The following YPEL5 variants were observed in gnomAD, a reference collection of about 807,000 sequenced individuals.
YPEL5 encodes yippee like 5, also known as protein yippee-like 5.
A neutral mutation model predicts 10.5 loss-of-function variants in YPEL5; 1 was observed. The ratio of observed to expected loss-of-function variants is 0.10; its 90% confidence interval spans 0.03 to 0.45. The LOEUF is 0.45. Among genes scored for constraint, YPEL5 ranks in the 20% least tolerant of loss-of-function variants. The probability of loss-of-function intolerance (pLI) is 0.97; values close to 1 mark genes in which losing one functional copy is unlikely to be tolerated. For missense variants in YPEL5, 68 were observed against 159.3 expected, an observed-to-expected ratio of 0.43 and a Z score of 3.09; for synonymous variants, 61 against 56.6, an observed-to-expected ratio of 1.08 and a Z score of -0.35.
At chr2:30,147,090 G>C (rs1463771648) in intron 1 of YPEL5, 28 bp downstream of exon 1, 1 of 152,384 alleles carries the variant, frequency 6.6e-6, no homozygotes, top group Non-Finnish European at 1.5e-5. Context: ...GGCTGGACTC[G>C]GGGCCGGTGG....
At chr2:30,147,866 G>C (rs1423072291) in intron 1 of YPEL5, 2 of 154,248 alleles carry the variant, frequency 1.3e-5, no homozygotes, top group East Asian at 3.8e-4. Flanking sequence ...CCGCCGCCGC[G>C]CTCTGCCGCC....
intron 1 of YPEL5, among the ~76,000 whole-genome samples, chr2:30,150,883 A>C (rs1675753498): frequency 6.6e-6 from 1 of 152,238 alleles, no homozygotes; most frequent in Non-Finnish European, 1.5e-5. Flanking sequence ...TGTAAAGTGG[A>C]AGGAGTAAAG....
chr2:30,156,539 G>A (rs577855853), intron 1 of YPEL5, 89 bp from the exon 2 acceptor site: 28 of 1,182,806 alleles, frequency 2.4e-5, no homozygotes, highest in South Asian at 9.9e-5. Flanking sequence ...ACATAAATAC[G>A]TATACAAATT....
rs1215547995 is a variant in YPEL5, at chr2:30,158,819, G to A, written c.342G>A (p.Glu114=). Residue 114 remains glutamate, a synonymous_variant, in exon 3 of 3, where the codon GAG becomes GAA. Transcript: ENST00000261353. ...ALVRESEGFE[E]HVPSDNS is the part of the protein sequence containing the mutation. ...TTCGAGAGAGTGAGGGCTTTGAGGA[G>A]CATGTACCATCTGATAACTCTTGAA... The A allele has an allele frequency of 1.2e-6, 2 of 1,614,180 alleles. No homozygotes were observed. Among genetic ancestry groups the A allele is most frequent in the South Asian group, 2.2e-5 (2 of 91,084 alleles).
intron 2 of YPEL5, among the ~76,000 whole-genome samples, 190 bp from the exon 3 acceptor site, chr2:30,158,429 G>C (rs1486641949): frequency 2.6e-5 from 4 of 152,180 alleles, no homozygotes; most frequent in East Asian, 1.9e-4. Flanking sequence ...GTCTAGTGTA[G>C]TGCAATTTCC....
At chr2:30,156,342 T>C (rs1458027518) in intron 1 of YPEL5, 1 of 265,824 alleles carries the variant, frequency 3.8e-6, no homozygotes, top group Non-Finnish European at 7.2e-6. Flanking sequence ...CCATTTTCTT[T>C]TTCCACACCA....
chr2:30,147,688 C>G (rs1171402240), intron 1 of YPEL5: 1 of 152,532 alleles, frequency 6.6e-6, no homozygotes, highest in Non-Finnish European at 1.5e-5. Context: ...CCCTCCCCCC[C>G]ATGAACGTCC....
intron 2 of YPEL5, among the ~76,000 whole-genome samples, chr2:30,157,532 A>G (rs568346712): frequency 5.8e-4 from 89 of 152,290 alleles, no homozygotes; most frequent in South Asian, 3.3e-3. Flanking sequence ...TCATCCTTCC[A>G]TGGATTTGCT....
At chr2:30,152,924 G>A (rs368669264) in intron 1 of YPEL5, among the ~76,000 whole-genome samples, 239 of 143,140 alleles carry the variant, frequency 1.7e-3, no homozygotes, top group Middle Eastern at 4.1e-3. Flanking sequence ...TTTTTGAGAC[G>A]GAGTCTCATT....
chr2:30,156,611 T>C lies in YPEL5; in HGVS notation c.-24-17T>C, dbSNP rs1676049907. 1.2e-6 allele frequency: 2 copies of C among 1,611,028 alleles called. No homozygotes were observed. Among genetic ancestry groups the C allele is most frequent in the African/African-American group, 2.7e-5 (2 of 74,654 alleles). The stretch of plus-strand genomic sequence containing the variant: ...ATTATTATAATGCATTTGTTATCCT[T>C]TTCTATTTGCTCCTAGGTTTTTAGA... On this transcript the variant is annotated splice_polypyrimidine_tract_variant and intron_variant, in intron 1 of 2. Coordinates refer to ENST00000261353, the MANE Select transcript of YPEL5 (RefSeq NM_016061.3).
chr2:30,157,459 A>G (rs1676093556), intron 2 of YPEL5, among the ~76,000 whole-genome samples: 1 of 152,186 alleles, frequency 6.6e-6, no homozygotes, highest in Non-Finnish European at 1.5e-5. Context: ...TTAAACTATT[A>G]TAACTTGACA....
rs962823754 is a variant in YPEL5, at chr2:30,147,051, C to G, written c.-36C>G. 2 of 152,460 alleles carry G rather than the reference C, an allele frequency of 1.3e-5. No homozygotes were observed. The highest frequency in any genetic ancestry group is 4.8e-5 in the African/African-American group (2 of 41,460). The allele number at this position is 152,460 out of a possible 1,614,324, so 9.4% of individuals were successfully genotyped here. Reference sequence around the variant, plus strand: ...AAGCCGCTGGCAGCCGCGGATCTCACCGCCGCTCAGGGTGAGTCCCGCGGG... The same window carrying G: ...AAGCCGCTGGCAGCCGCGGATCTCAGCGCCGCTCAGGGTGAGTCCCGCGGG... On this transcript the variant is annotated 5_prime_UTR_variant, in exon 1 of 3. Coordinates refer to ENST00000261353, the MANE Select transcript of YPEL5 (RefSeq NM_016061.3).
chr2:30,156,706 A>C lies in YPEL5; in HGVS notation c.55A>C (p.Asn19His). The C allele has an allele frequency of 6.2e-7, 1 of 1,614,148 alleles. No individual in the cohort carries two copies. The highest frequency in any genetic ancestry group is 8.5e-7 in the Non-Finnish European group (1 of 1,180,018). ...TGGTACCCGTCTGTTTTCTTGTGCA[A>C]ACTGTGATACGATCCTGACCAACCG... ...IGGTRLFSCANCDTILTNRSE... is the reference protein window; with the variant it reads ...IGGTRLFSCAHCDTILTNRSE... The change falls in exon 2 of 3, where the codon AAC becomes CAC. Residue 19 changes from asparagine (N) to histidine (H), a missense_variant. By Grantham distance (68) the Asn-to-His change is moderately conservative. Coordinates refer to ENST00000261353, the MANE Select transcript of YPEL5 (RefSeq NM_016061.3).
chr2:30,151,995 G>A (rs1228551377), intron 1 of YPEL5, among the ~76,000 whole-genome samples: 2 of 152,206 alleles, frequency 1.3e-5, no homozygotes, highest in Non-Finnish European at 1.5e-5. Flanking sequence ...GTTGGAGAAG[G>A]TATTGGCTCC....
intron 2 of YPEL5, among the ~76,000 whole-genome samples, chr2:30,157,371 T>A (rs1676089134): frequency 6.6e-6 from 1 of 152,134 alleles, no homozygotes. Flanking sequence ...CAGCACAGAC[T>A]ATGGAAGGAA....
chr2:30,152,729 A>G (rs1158841714), intron 1 of YPEL5, among the ~76,000 whole-genome samples: 1 of 152,176 alleles, frequency 6.6e-6, no homozygotes, highest in East Asian at 1.9e-4. Flanking sequence ...AAAATTGTCA[A>G]AATTAAATGC....
intron 1 of YPEL5, chr2:30,147,944 C>T (rs1675566075): frequency 6.6e-6 from 1 of 152,164 alleles, no homozygotes; most frequent in Admixed American, 6.5e-5. Context: ...GGGGCGCTCG[C>T]GGGCCCCACT....
chr2:30,150,370 G>A (rs929600722), intron 1 of YPEL5, among the ~76,000 whole-genome samples: 1 of 152,152 alleles, frequency 6.6e-6, no homozygotes, highest in African/African-American at 2.4e-5. Context: ...CTCAGAGGTG[G>A]CTGCTGCTCT....
chr2:30,157,458 T>A (rs185330027), intron 2 of YPEL5, among the ~76,000 whole-genome samples: 2 of 152,276 alleles, frequency 1.3e-5, no homozygotes, highest in East Asian at 3.9e-4. Flanking sequence ...GTTAAACTAT[T>A]ATAACTTGAC....
Sources: allele counts gnomAD v4.1 joint callset (sites outside exome capture counted in the v4.1 genomes callset), GRCh38; gene constraint gnomAD v4.1.1; transcripts MANE v1.5; gene names NCBI Gene and HGNC (gene_info 2026-07-23, HGNC 2026-07-21).